Variants in DISC1 observed in about 807,000 individuals in gnomAD.
DISC1 encodes disrupted in schizophrenia 1 protein.
In DISC1, 57 loss-of-function variants were observed where a neutral mutation model predicts 84.5. That is an observed-to-expected ratio of 0.67 (90% confidence interval 0.55 to 0.84). The LOEUF is 0.84. Ranked by LOEUF, DISC1 falls within the 40% of genes least tolerant of loss-of-function variation. The pLI is 0.00. For missense variants in DISC1, 1,000 were observed against 1,057.8 expected, an observed-to-expected ratio of 0.95 and a Z score of 0.76; for synonymous variants, 411 against 415.2, an observed-to-expected ratio of 0.99 and a Z score of 0.12.
chr1:231,970,595 C>T (rs74967340), intron 10 of DISC1, among the ~76,000 whole-genome samples: 1,576 of 152,200 alleles, frequency 0.01, 30 homozygotes, highest in African/African-American at 0.036. Flanking sequence ...ATTGATAATT[C>T]AACACTTAAT....
intron 2 of DISC1, among the ~76,000 whole-genome samples, chr1:231,699,891 A>G (rs2066191617): frequency 1.3e-5 from 2 of 152,148 alleles, no homozygotes; most frequent in African/African-American, 4.8e-5. Flanking sequence ...ATCCAGTGGC[A>G]TTCTTGCTCC....
At chr1:231,800,754 G>T (rs2079165773) in intron 8 of DISC1, among the ~76,000 whole-genome samples, 2 of 152,094 alleles carry the variant, frequency 1.3e-5, no homozygotes, top group African/African-American at 4.8e-5. Flanking sequence ...CTCTGGATTT[G>T]TTATTTTATT....
chr1:231,822,988 G>T (rs753317021), intron 9 of DISC1, among the ~76,000 whole-genome samples: 16 of 152,166 alleles, frequency 1.1e-4, no homozygotes, highest in Admixed American at 5.2e-4. Flanking sequence ...CTCCCATTAG[G>T]CTCTACCTTC....
At chr1:231,772,175 T>C (rs145463362) in intron 6 of DISC1, among the ~76,000 whole-genome samples, 425 of 152,208 alleles carry the variant, frequency 2.8e-3, no homozygotes, top group African/African-American at 9.7e-3. Flanking sequence ...AGGTTGCTCT[T>C]GAATTCCTGG....
intron 1 of DISC1, among the ~76,000 whole-genome samples, chr1:231,669,548 TA>T (rs2062367566): frequency 6.6e-6 from 1 of 151,086 alleles, no homozygotes; most frequent in Non-Finnish European, 1.5e-5. Flanking sequence ...ACAACCCCAT[TA>T]AAAAGTGGGC....
intron 12 of DISC1, among the ~76,000 whole-genome samples, chr1:232,028,917 C>T (rs1669735843): frequency 6.6e-6 from 1 of 152,130 alleles, no homozygotes; most frequent in South Asian, 2.1e-4. Flanking sequence ...ATTATCCCTA[C>T]TTGACAGTCG....
chr1:231,971,182 G>A (rs904772124), intron 10 of DISC1, among the ~76,000 whole-genome samples: 2 of 152,208 alleles, frequency 1.3e-5, no homozygotes, highest in Non-Finnish European at 2.9e-5. Context: ...ATTTGGCTAG[G>A]AGTTAGGAAA....
chr1:231,784,116 A>G (rs1310649647), intron 6 of DISC1, among the ~76,000 whole-genome samples: 3 of 152,140 alleles, frequency 2.0e-5, no homozygotes, highest in Non-Finnish European at 4.4e-5. Context: ...TGCAAAAATT[A>G]TCCGGGCATG....
At chr1:231,685,249 T>G (rs1413196635) in intron 1 of DISC1, 1 of 152,264 alleles carries the variant, frequency 6.6e-6, no homozygotes, top group Non-Finnish European at 1.5e-5. Context: ...TGTTTATAAA[T>G]ATTTCATATG....
chr1:231,723,275 CA>C, intron 3 of DISC1: 7 of 983,490 alleles, frequency 7.1e-6, no homozygotes, highest in Non-Finnish European at 8.5e-6. Flanking sequence ...TGAGTAGACT[CA>C]CATGTTAAAA....
chr1:231,643,941 C>T (rs1415368354), intron 1 of DISC1, among the ~76,000 whole-genome samples: 1 of 152,116 alleles, frequency 6.6e-6, no homozygotes, highest in African/African-American at 2.4e-5. Context: ...TTTACCCTCC[C>T]TAAGAGGACA....
chr1:231,982,938 CAG>C (rs1328625243), intron 10 of DISC1, among the ~76,000 whole-genome samples: 1 of 152,122 alleles, frequency 6.6e-6, no homozygotes, highest in Non-Finnish European at 1.5e-5. Flanking sequence ...TTAATTTTAA[CAG>C]AGAACTGGAG....
chr1:231,811,778 A>G (rs1396031094), intron 8 of DISC1, among the ~76,000 whole-genome samples: 1 of 152,198 alleles, frequency 6.6e-6, no homozygotes, highest in East Asian at 1.9e-4. Context: ...ACTTATTGAC[A>G]TGAGATCAGA....
chr1:231,982,852 T>C (rs1663813257), intron 10 of DISC1, among the ~76,000 whole-genome samples: 1 of 152,162 alleles, frequency 6.6e-6, no homozygotes, highest in Non-Finnish European at 1.5e-5. Context: ...GGCCAAAGTG[T>C]GTTTCAGTCA....
chr1:231,683,644 G>C (rs1019370776), intron 1 of DISC1, among the ~76,000 whole-genome samples: 2 of 151,410 alleles, frequency 1.3e-5, no homozygotes, highest in Non-Finnish European at 2.9e-5. Context: ...GGTTTCCTTG[G>C]ATGGTTTCTG....
At chr1:231,863,166 A>C (rs1445022226) in intron 9 of DISC1, among the ~76,000 whole-genome samples, 1 of 150,974 alleles carries the variant, frequency 6.6e-6, no homozygotes. Context: ...CATTGCCATG[A>C]AAATATAGAA....
intron 9 of DISC1, among the ~76,000 whole-genome samples, chr1:231,895,798 C>T (rs2087640560): frequency 6.6e-6 from 1 of 152,184 alleles, no homozygotes. Flanking sequence ...ATCATCCTCA[C>T]CTACCTGAAC....
In DISC1 at chr1:231,762,215, CTTCTT is replaced by C. The variant is rs71179792; in HGVS notation, c.1269-4888_1269-4884del. Among the ~76,000 whole-genome samples, 787 of 80,218 alleles carry C rather than the reference CTTCTT, an allele frequency of 9.8e-3. 10 individuals carry two copies. The highest frequency in any genetic ancestry group is 0.034 in the African/African-American group (738 of 21,586). The allele number at this position is 80,218 out of a possible 152,430, so 52.6% of individuals were successfully genotyped here. A position where few individuals can be genotyped will look rare whatever the true frequency, so the allele number is the denominator to read the frequency against. ...TTTCTTTTCTTTTCTTTTCTTTTCT[CTTCTT>C]TTCTTTTCTTTTCTTTTCTTTTCTT... On this transcript the variant is annotated intron_variant, in intron 4 of 12. Coordinates refer to ENST00000439617, the MANE Select transcript of DISC1 (RefSeq NM_018662.3).
intron 10 of DISC1, among the ~76,000 whole-genome samples, chr1:231,964,655 C>T (rs903115082): frequency 1.5e-4 from 23 of 152,324 alleles, no homozygotes; most frequent in African/African-American, 5.3e-4. Flanking sequence ...TGACAGAGCC[C>T]AGTAGTTATG....
Sources: gnomAD v4.1 joint callset for allele counts (sites outside exome capture counted in the v4.1 genomes callset) on GRCh38, gnomAD v4.1.1 for gene constraint, MANE v1.5 for transcripts, NCBI Gene and HGNC (gene_info 2026-07-23, HGNC 2026-07-21) for gene names.